Variants in LRBA observed in about 807,000 individuals in gnomAD.
The protein encoded by LRBA is LPS responsive beige-like anchor protein, also known as lipopolysaccharide-responsive and beige-like anchor protein.
Under a neutral mutation model 330.0 loss-of-function variants are expected in LRBA, and 176 were observed. The observed-to-expected ratio is 0.53, with a 90% CI of 0.47 to 0.60. The LOEUF (loss-of-function observed/expected upper bound fraction) is 0.60, where lower values mean the gene tolerates loss of function less well. Ranked by LOEUF, LRBA falls within the 20% of genes least tolerant of loss-of-function variation. The pLI is 0.00. For missense variants in LRBA, 3,259 were observed against 3,444.8 expected (o/e 0.95, Z 1.35); for synonymous variants, 1,230 against 1,193.0 (o/e 1.03, Z -0.64).
intron 2 of LRBA, among the ~76,000 whole-genome samples, chr4:150,930,931 G>A (rs2149512038): frequency 6.6e-6 from 1 of 152,262 alleles, no homozygotes; most frequent in Middle Eastern, 3.4e-3. Flanking sequence ...TACGTGCTTG[G>A]TTCCCTAGTC....
At chr4:150,904,182 T>G (rs1364047960) in intron 13 of LRBA, among the ~76,000 whole-genome samples, 1 of 152,232 alleles carries the variant, frequency 6.6e-6, no homozygotes. Flanking sequence ...TGATAAAGCT[T>G]CAACTTTATG....
At chr4:150,802,804 C>T (rs944949803) in intron 33 of LRBA, among the ~76,000 whole-genome samples, 2 of 151,888 alleles carry the variant, frequency 1.3e-5, no homozygotes, top group Non-Finnish European at 2.9e-5. Flanking sequence ...CGGAGGACTG[C>T]TCGGGGTCAG....
At chr4:150,393,811 T>C (rs1295119146) in intron 47 of LRBA, among the ~76,000 whole-genome samples, 2 of 152,200 alleles carry the variant, frequency 1.3e-5, no homozygotes, top group East Asian at 1.9e-4. Flanking sequence ...TATAGCATCA[T>C]TGATCTCAAG....
intron 38 of LRBA, among the ~76,000 whole-genome samples, chr4:150,595,168 T>C (rs570679229): frequency 2.0e-5 from 3 of 151,952 alleles, no homozygotes; most frequent in African/African-American, 4.8e-5. Context: ...ATTGTTCTAA[T>C]TGATTCCCCT....
chr4:150,979,373 A>G (rs987471655), intron 2 of LRBA, among the ~76,000 whole-genome samples: 2 of 152,260 alleles, frequency 1.3e-5, no homozygotes, highest in South Asian at 2.1e-4. Context: ...TACCTGTCCT[A>G]CAAGAAATGC....
intron 8 of LRBA, 103 bp from the exon 9 acceptor site, chr4:150,914,444 T>C (rs537579011): frequency 4.3e-6 from 3 of 702,892 alleles, no homozygotes; most frequent in South Asian, 3.6e-5. Flanking sequence ...CTAAACTGTA[T>C]CTAAATAGAC....
chr4:150,380,641 C>T (rs1380031365), intron 47 of LRBA, among the ~76,000 whole-genome samples: 2 of 151,886 alleles, frequency 1.3e-5, no homozygotes, highest in African/African-American at 4.8e-5. Context: ...AAGAAGATGT[C>T]TACTTATTAT....
At chr4:150,337,725 A>G (rs559582975) in intron 48 of LRBA, among the ~76,000 whole-genome samples, 5 of 152,092 alleles carry the variant, frequency 3.3e-5, no homozygotes, top group South Asian at 2.1e-4. Context: ...TCGGTATTCA[A>G]TACTCCTAAT....
At chr4:150,747,696 T>G (rs778693295) in intron 35 of LRBA, among the ~76,000 whole-genome samples, 1 of 152,164 alleles carries the variant, frequency 6.6e-6, no homozygotes, top group Non-Finnish European at 1.5e-5. Flanking sequence ...ACTTTCTTGG[T>G]TTTCCTCCTA....
chr4:150,420,257 T>A (rs889479548), intron 46 of LRBA, among the ~76,000 whole-genome samples: 1 of 147,550 alleles, frequency 6.8e-6, no homozygotes, highest in African/African-American at 2.5e-5. Context: ...ATATATATTA[T>A]ACATATATGG....
Position 150,957,303 on chromosome 4 carries a change from G to T in LRBA, c.217-28238C>A, listed in dbSNP as rs1737640143. ...CTCACAATCATGGCTGAAGGTGAAG[G>T]TGGAGCAAAGACATGTCTTTGCAGG... On this transcript the variant is annotated intron_variant, in intron 2 of 56. Coordinates refer to ENST00000651943, the MANE Select transcript of LRBA (RefSeq NM_001364905.1). 2.7e-5 allele frequency among the ~76,000 whole-genome samples: 4 copies of T among 148,614 alleles called. 1 individual carries two copies. In the South Asian group the frequency reaches 8.3e-4, roughly 31 times the overall value.
intron 37 of LRBA, among the ~76,000 whole-genome samples, chr4:150,666,417 C>G (rs1395818812): frequency 6.6e-6 from 1 of 151,866 alleles, no homozygotes; most frequent in Non-Finnish European, 1.5e-5. Flanking sequence ...GAGGCTGAAG[C>G]AGGAGATTTG....
intron 56 of LRBA, among the ~76,000 whole-genome samples, chr4:150,277,323 T>C (rs1055832092): frequency 2.0e-5 from 3 of 152,068 alleles, no homozygotes; most frequent in Non-Finnish European, 4.4e-5. Flanking sequence ...CTAATGTAGA[T>C]GATGGGTTGA....
intron 2 of LRBA, among the ~76,000 whole-genome samples, chr4:150,955,101 C>T (rs957730138): frequency 2.7e-5 from 4 of 148,294 alleles, no homozygotes; most frequent in Non-Finnish European, 5.9e-5. Flanking sequence ...ATGGTGAAAC[C>T]CTGTCTCTAC....
At chr4:150,932,480 T>C (rs1229628563) in intron 2 of LRBA, among the ~76,000 whole-genome samples, 2 of 151,718 alleles carry the variant, frequency 1.3e-5, no homozygotes, top group Admixed American at 1.3e-4. Flanking sequence ...TACACTAATA[T>C]ACCATTTTTA....
chr4:150,889,427 G>A (rs1729254984), intron 17 of LRBA, among the ~76,000 whole-genome samples: 1 of 152,106 alleles, frequency 6.6e-6, no homozygotes, highest in Non-Finnish European at 1.5e-5. Context: ...CAGATCATGA[G>A]GTCAGGTGAT....
In LRBA at chr4:150,278,173, A is replaced by AAACC. The variant is rs1747053087; in HGVS notation, c.8317-173_8317-170dup. 2.6e-5 allele frequency among the ~76,000 whole-genome samples: 4 copies of AAACC among 152,306 alleles called. No individual in the cohort carries two copies. The South Asian group carries it at 8.3e-4, about 32-fold the overall frequency. The stretch of plus-strand genomic sequence containing the variant: ...TTGTAGAAGATCTGCCATTTTTCAA[A>AAACC]AACCAAATGGACAAAGTTCATCAAT... On this transcript the variant is annotated intron_variant, in intron 55 of 56. Coordinates refer to ENST00000651943, the MANE Select transcript of LRBA (RefSeq NM_001364905.1).
chr4:150,636,158 C>CTTT (rs70941419), intron 37 of LRBA, among the ~76,000 whole-genome samples: 4 of 113,018 alleles, frequency 3.5e-5, no homozygotes, highest in African/African-American at 1.3e-4. Context: ...ACCTACCAAG[C>CTTT]TTTTTTTTTT....
At position 150,916,920 on chromosome 4, in the gene LRBA, G is replaced by A. The variant is rs576342065; in HGVS notation, c.646-182C>T. 1.8e-4 allele frequency among the ~76,000 whole-genome samples: 28 copies of A among 152,212 alleles called. No homozygotes were observed. In the East Asian group the frequency reaches 2.9e-3, roughly 16 times the overall value. ...TGTAATCCCAGCACTTTGGGAGGCC[G>A]AGGCAGGTGCATCACAAGGTCAGGA... On this transcript the variant is annotated intron_variant, in intron 5 of 56. Transcript: ENST00000651943.
Sources: gnomAD v4.1 joint callset for allele counts (sites outside exome capture counted in the v4.1 genomes callset) on GRCh38, gnomAD v4.1.1 for gene constraint, MANE v1.5 for transcripts, NCBI Gene and HGNC (gene_info 2026-07-23, HGNC 2026-07-21) for gene names.